The following SHPRH variants were observed in gnomAD, a reference collection of about 807,000 sequenced individuals.
The protein encoded by SHPRH is SNF2 histone linker PHD RING helicase.
SHPRH carries 106 observed loss-of-function variants against 202.5 expected under a neutral mutation model. That is an observed-to-expected ratio of 0.52 (90% CI 0.45 to 0.62). The LOEUF is 0.62. SHPRH is among the 20% of genes least tolerant of loss of function. The pLI, the probability that SHPRH is intolerant of heterozygous loss-of-function variation, is 0.00. For missense variants in SHPRH, 1,710 were observed against 2,020.0 expected (o/e 0.85, Z 2.94); for synonymous variants, 729 against 686.0 (o/e 1.06, Z -0.98).
In SHPRH at chr6:145,886,805, TGAGCAC is replaced by T; in HGVS notation, c.4956-24_4956-19del. 6.8e-6 allele frequency: 11 copies of T among 1,610,290 alleles called. No individual in the cohort carries two copies. The highest frequency in any genetic ancestry group is 7.6e-6 in the Non-Finnish European group (9 of 1,178,546). On this transcript the variant is annotated intron_variant, in intron 29 of 29. Coordinates refer to ENST00000275233, the MANE Select transcript of SHPRH (RefSeq NM_001042683.3). ...TCGTGTGACTGCAAGGTTTCCCAAA[TGAGCAC>T]AGTCAGAAAGAAACCCCAAGCCATC... is the stretch of plus-strand genomic sequence containing the variant.
chr6:145,951,892 T>G (rs749365100), intron 3 of SHPRH: 1 of 455,980 alleles, frequency 2.2e-6, no homozygotes, highest in South Asian at 1.5e-5. Flanking sequence ...CAGACAACTC[T>G]GAATCTGCAG....
At chr6:145,961,702 T>G (rs1020385294) in intron 1 of SHPRH, among the ~76,000 whole-genome samples, 3 of 152,224 alleles carry the variant, frequency 2.0e-5, no homozygotes, top group Non-Finnish European at 4.4e-5. Flanking sequence ...AAGGTACTTA[T>G]CAGTGATAAT....
At chr6:145,946,467 G>T in intron 6 of SHPRH, 126 bp from the exon 7 acceptor site, 1 of 638,702 alleles carries the variant, frequency 1.6e-6, no homozygotes, top group Non-Finnish European at 2.5e-6. Flanking sequence ...AAGAGAAAGG[G>T]CCAAATAGCT....
intron 5 of SHPRH, among the ~76,000 whole-genome samples, chr6:145,947,883 GTCTGCC>G (rs1394115917): frequency 6.6e-6 from 1 of 151,796 alleles, no homozygotes; most frequent in Non-Finnish European, 1.5e-5. Flanking sequence ...AAGAGAACAC[GTCTGCC>G]TTCTTTCTAT....
rs1784405493 is a variant in SHPRH, at chr6:145,921,219, T to C, written c.3956A>G (p.Asp1319Gly). 6.2e-7 allele frequency: 1 copy of C among 1,612,628 alleles called. No homozygotes were observed. Among genetic ancestry groups the C allele is most frequent in the Admixed American group, 1.7e-5 (1 of 59,802 alleles). ...GAGATCCATTGAAGTGCTTCCTTCA[T>C]CAACAAATTCAACATCAAACCTATG... is the stretch of plus-strand genomic sequence containing the variant. ...KSHRFDVEFV[D>G]EGSTSMDLFE... Residue 1319 changes from aspartate (D) to glycine (G), a missense_variant, in exon 21 of 30, where the codon GAT becomes GGT. Transcript: ENST00000275233.
At chr6:145,902,110 G>A (rs1332329425) in intron 25 of SHPRH, among the ~76,000 whole-genome samples, 1 of 152,052 alleles carries the variant, frequency 6.6e-6, no homozygotes, top group Non-Finnish European at 1.5e-5. Flanking sequence ...AAATAAAGAA[G>A]TGAAGTAAAG....
At chr6:145,875,919 T>C (rs751531196) in intron 2 of SHPRH, among the ~76,000 whole-genome samples, 3 of 152,236 alleles carry the variant, frequency 2.0e-5, no homozygotes, top group Non-Finnish European at 4.4e-5. Flanking sequence ...TCATCTACAA[T>C]TGGCTCTGCC....
In SHPRH at chr6:145,885,190, A is replaced by G. The variant is rs767553773; in HGVS notation, c.*1501T>C. On this transcript the variant is annotated 3_prime_UTR_variant, in exon 30 of 30. Transcript: ENST00000275233. ...AAACAGTAAAGATATTAATTATATC[A>G]ACTTCACAAGATTGTTGGGTAAATT... is the stretch of plus-strand genomic sequence containing the variant. The G allele has an allele frequency of 2.0e-5, 3 of 152,232 alleles. No homozygotes were observed. Among genetic ancestry groups the G allele is most frequent in the Non-Finnish European group, 4.4e-5 (3 of 68,016 alleles). 9.4% of individuals were successfully genotyped at this position (152,232 alleles called of 1,614,324 possible).
chr6:145,917,844 G>A (rs929690794), intron 23 of SHPRH: 5 of 240,670 alleles, frequency 2.1e-5, no homozygotes, highest in African/African-American at 9.0e-5. Context: ...CAGTTTCACC[G>A]AGATATGTTT....
At chr6:145,951,389 T>G (rs959595690) in intron 3 of SHPRH, among the ~76,000 whole-genome samples, 1 of 152,082 alleles carries the variant, frequency 6.6e-6, no homozygotes, top group African/African-American at 2.4e-5. Flanking sequence ...AACTTATTTT[T>G]TTCCAATAAA....
At chr6:145,898,832 G>C (rs1782239780) in intron 25 of SHPRH, among the ~76,000 whole-genome samples, 1 of 151,966 alleles carries the variant, frequency 6.6e-6, no homozygotes, top group African/African-American at 2.4e-5. Flanking sequence ...TTCTTTTTGA[G>C]ACAGGGTCTT....
Position 145,941,714 on chromosome 6 carries a change from C to G in SHPRH, c.2399G>C (p.Arg800Pro). 2 of 1,614,016 alleles carry G rather than the reference C, an allele frequency of 1.2e-6. No individual in the cohort carries two copies. The highest frequency in any genetic ancestry group is 1.7e-6 in the Non-Finnish European group (2 of 1,179,962). Residue 800 changes from arginine (R) to proline (P), a missense_variant, in exon 10 of 30, where the codon CGC (arginine) becomes CCC (proline). By Grantham distance (103) the Arg-to-Pro change is moderately radical (BLOSUM62 -2). Around this residue, in one of 8 missense-constraint regions of SHPRH, gnomAD observed 277 missense variants for 363.0 expected, o/e 0.76. Transcript: ENST00000275233. ...EDGRRLRNQK[R>P]YMAIPSPLVA... ...CAGGGGGCTCGGGATAGCCATATAG[C>G]GCTTCTGGTTCCGTAGGCGACGCCC...
chr6:145,872,274 G>A (rs993463424), intron 2 of SHPRH, among the ~76,000 whole-genome samples: 3 of 151,954 alleles, frequency 2.0e-5, no homozygotes, highest in East Asian at 1.9e-4. Context: ...CAGAACGGGC[G>A]AAAATTGTTG....
At chr6:145,900,796 A>C (rs936707019) in intron 25 of SHPRH, among the ~76,000 whole-genome samples, 2 of 152,092 alleles carry the variant, frequency 1.3e-5, no homozygotes, top group Non-Finnish European at 2.9e-5. Context: ...TCTTACGTAA[A>C]TTATTATAGT....
intron 2 of SHPRH, among the ~76,000 whole-genome samples, chr6:145,878,351 T>C (rs1216905134): frequency 6.6e-6 from 1 of 152,214 alleles, no homozygotes; most frequent in Non-Finnish European, 1.5e-5. Flanking sequence ...TTTGGTGTTG[T>C]ACATTCTATG....
downstream of SHPRH, among the ~76,000 whole-genome samples, chr6:145,880,039 A>C (rs927047753): frequency 1.3e-5 from 2 of 152,174 alleles, no homozygotes; most frequent in Non-Finnish European, 1.5e-5. Flanking sequence ...ACAAACATGA[A>C]AATATTGCAA....
rs146513776 is a variant in SHPRH, at chr6:145,870,259, A to ATTTTTTTTTTTTTTTTTTTTTTTTTTT, written c.222-5769_222-5768insAAAAAAAAAAAAAAAAAAAAAAAAAAA. 3.7e-5 allele frequency among the ~76,000 whole-genome samples: 4 copies of ATTTTTTTTTTTTTTTTTTTTTTTTTTT among 107,738 alleles called. No homozygotes were observed. In the East Asian group the frequency reaches 8.1e-4, roughly 22 times the overall value. The allele number at this position is 107,738 out of a possible 152,430, so 70.7% of individuals were successfully genotyped here. ...AGGGTTTTTTTGTCAATCGTTTCAGATTTTTTTTTTTTTTTTTTTTGAGAT... is the reference window on the plus strand; with the variant it reads ...AGGGTTTTTTTGTCAATCGTTTCAGATTTTTTTTTTTTTTTTTTTTTTTTTTTTTTTTTTTTTTTTTTTTTTTGAGAT... On this transcript the variant is annotated intron_variant, in intron 2 of 2. Coordinates refer to the SHPRH transcript ENST00000417762.
At chr6:145,867,669 G>A (rs76510988) in intron 2 of SHPRH, among the ~76,000 whole-genome samples, 65 of 138,810 alleles carry the variant, frequency 4.7e-4, no homozygotes, top group South Asian at 4.6e-3. Context: ...GAGAGAGAGA[G>A]AGAGGTGAAG....
intron 3 of SHPRH, 141 bp downstream of exon 3, chr6:145,952,208 A>T: frequency 2.8e-6 from 2 of 720,370 alleles, no homozygotes; most frequent in South Asian, 4.8e-5. Flanking sequence ...TGCATTTCAA[A>T]TAAGTATAAT....
Sources: gnomAD v4.1 joint callset for allele counts (sites outside exome capture counted in the v4.1 genomes callset) on GRCh38, gnomAD v4.1.1 for gene constraint, gnomAD v4.1.1 regional missense constraint, MANE v1.5 for transcripts, NCBI Gene and HGNC (gene_info 2026-07-23, HGNC 2026-07-21) for gene names.